SLC35D2: variants seen among roughly 807,000 people sequenced by gnomAD.
SLC35D2 encodes the protein solute carrier family 35 member D2, also known as nucleotide sugar transporter SLC35D2.
Under a neutral mutation model 41.8 loss-of-function variants are expected in SLC35D2, and 43 were observed. The ratio of observed to expected loss-of-function variants is 1.03; its 90% CI spans 0.81 to 1.33. The LOEUF is 1.33. SLC35D2 is among the 40% of genes most tolerant of loss of function. SLC35D2 has a pLI of 0.00. For synonymous variants in SLC35D2, 150 were observed against 163.9 expected (o/e 0.92, Z 0.65); for missense variants, 380 against 408.4 (o/e 0.93, Z 0.60).
intron 3 of SLC35D2, among the ~76,000 whole-genome samples, chr9:96,361,993 T>C (rs1319917007): frequency 1.3e-5 from 2 of 152,212 alleles, no homozygotes; most frequent in African/African-American, 4.8e-5. Flanking sequence ...AGAGTGGTAC[T>C]TTTTATTTTT....
chr9:96,340,535 G>A (rs1428556787), intron 8 of SLC35D2, among the ~76,000 whole-genome samples: 1 of 140,826 alleles, frequency 7.1e-6, no homozygotes, highest in East Asian at 2.1e-4. Context: ...CAGGAGAATC[G>A]CTTGAACCCA....
rs372638942 is a variant in SLC35D2, at chr9:96,353,291, G to C, written c.348-1182C>G. Among the ~76,000 whole-genome samples, 83 of 152,046 alleles carry C rather than the reference G, an allele frequency of 5.5e-4. 3 individuals are homozygous for C. In the South Asian group the frequency reaches 0.017, roughly 31 times the overall value. On this transcript the variant is annotated intron_variant, in intron 4 of 11. Transcript: ENST00000253270. The stretch of plus-strand genomic sequence containing the variant: ...AAACAAATGGATACAAAACCATGTA[G>C]GATCTACAACTGTAACAAGATACAT...
intron 2 of SLC35D2, 135 bp downstream of exon 2, chr9:96,368,137 C>T (rs527537821): frequency 5.3e-6 from 3 of 562,850 alleles, no homozygotes; most frequent in South Asian, 2.8e-5. Flanking sequence ...GTTGTCTCAC[C>T]AGGAGTACCA....
chr9:96,331,840 G>A (rs755301968), intron 9 of SLC35D2, among the ~76,000 whole-genome samples: 3 of 152,184 alleles, frequency 2.0e-5, no homozygotes, highest in Non-Finnish European at 4.4e-5. Flanking sequence ...TCTCATAGAA[G>A]CGCAAACCCT....
intron 3 of SLC35D2, among the ~76,000 whole-genome samples, chr9:96,363,607 T>TA (rs1192528319): frequency 1.3e-5 from 2 of 152,226 alleles, no homozygotes; most frequent in Non-Finnish European, 2.9e-5. Context: ...TTTATGTTTC[T>TA]AGTTCCAGGA....
intron 8 of SLC35D2, among the ~76,000 whole-genome samples, chr9:96,338,174 A>G (rs1479910438): frequency 6.6e-6 from 1 of 152,134 alleles, no homozygotes. Flanking sequence ...GCTCAATAAC[A>G]TGATCGAATA....
At chr9:96,326,678 G>A (rs906565995) in intron 9 of SLC35D2, among the ~76,000 whole-genome samples, 4 of 151,832 alleles carry the variant, frequency 2.6e-5, no homozygotes, top group South Asian at 2.1e-4. Context: ...GGTGGCATGC[G>A]CCTGTAATCC....
At chr9:96,346,100 C>T (rs925826979) in intron 6 of SLC35D2, among the ~76,000 whole-genome samples, 15 of 152,152 alleles carry the variant, frequency 9.9e-5, no homozygotes, top group Admixed American at 6.5e-5. Context: ...TGTCATAATT[C>T]AGAAATACAC....
At chr9:96,315,506 T>A (rs1376326765) in intron 11 of SLC35D2, among the ~76,000 whole-genome samples, 1 of 149,342 alleles carries the variant, frequency 6.7e-6, no homozygotes, top group East Asian at 2.0e-4. Context: ...CGATCTCAGC[T>A]CACTGCAAGC....
At chr9:96,340,536 C>T (rs955250340) in intron 8 of SLC35D2, among the ~76,000 whole-genome samples, 2 of 139,066 alleles carry the variant, frequency 1.4e-5, no homozygotes, top group Non-Finnish European at 3.0e-5. Flanking sequence ...AGGAGAATCG[C>T]TTGAACCCAG....
At chr9:96,344,303 T>C (rs1432298869) in intron 7 of SLC35D2, among the ~76,000 whole-genome samples, 2 of 151,510 alleles carry the variant, frequency 1.3e-5, no homozygotes, top group Non-Finnish European at 2.9e-5. Flanking sequence ...TAATTCAAAA[T>C]GGGAAATCTG....
intron 1 of SLC35D2, among the ~76,000 whole-genome samples, chr9:96,373,154 C>A (rs1365754880): frequency 6.6e-6 from 1 of 152,104 alleles, no homozygotes; most frequent in Non-Finnish European, 1.5e-5. Flanking sequence ...CCCGCCTTGG[C>A]CTGCCAAGTG....
chr9:96,339,161 A>C (rs2130890249), intron 8 of SLC35D2, among the ~76,000 whole-genome samples: 1 of 152,014 alleles, frequency 6.6e-6, no homozygotes, highest in East Asian at 1.9e-4. Flanking sequence ...CCCAGGCTGG[A>C]GTGCGGTGGC....
chr9:96,352,867 GT>G (rs1487629876), intron 4 of SLC35D2, among the ~76,000 whole-genome samples: 1 of 150,750 alleles, frequency 6.6e-6, no homozygotes, highest in African/African-American at 2.4e-5. Context: ...GTGAAACCCT[GT>G]TTCCACTAAA....
intron 1 of SLC35D2, among the ~76,000 whole-genome samples, chr9:96,369,886 G>A (rs1830611372): frequency 6.6e-6 from 1 of 152,160 alleles, no homozygotes; most frequent in South Asian, 2.1e-4. Context: ...ACCTGTCTCA[G>A]ACAGTCTAAG....
chr9:96,356,150 G>A (rs1177320752), intron 4 of SLC35D2, among the ~76,000 whole-genome samples: 1 of 152,176 alleles, frequency 6.6e-6, no homozygotes, highest in African/African-American at 2.4e-5. Context: ...CTCTTGCCAT[G>A]GGATCTCTGC....
intron 1 of SLC35D2, among the ~76,000 whole-genome samples, chr9:96,383,125 A>G (rs1465571031): frequency 1.3e-5 from 2 of 152,202 alleles, no homozygotes; most frequent in Non-Finnish European, 2.9e-5. Flanking sequence ...TGACCGTTGA[A>G]CATGGAGATC....
At chr9:96,321,922 T>C in intron 11 of SLC35D2, 76 bp downstream of exon 11, 2 of 828,212 alleles carry the variant, frequency 2.4e-6, no homozygotes, top group African/African-American at 1.7e-5. Flanking sequence ...CCAGGCTCTT[T>C]TGCTTATTAC....
intron 8 of SLC35D2, among the ~76,000 whole-genome samples, chr9:96,337,997 A>C (rs1829129626): frequency 6.7e-6 from 1 of 149,300 alleles, no homozygotes; most frequent in African/African-American, 2.5e-5. Context: ...AAAAAAAAAA[A>C]AAAAAAAACT....
Sources: allele counts gnomAD v4.1 joint callset (sites outside exome capture counted in the v4.1 genomes callset), GRCh38; gene constraint gnomAD v4.1.1; transcripts MANE v1.5; gene names NCBI Gene and HGNC (gene_info 2026-07-23, HGNC 2026-07-21).